BNIP1: variants seen among roughly 807,000 people sequenced by gnomAD.
BNIP1 encodes BCL2 interacting protein 1, also known as vesicle transport protein SEC20.
A neutral mutation model predicts 28.5 loss-of-function variants in BNIP1; 25 were observed. The observed-to-expected ratio is 0.88, with a 90% CI of 0.64 to 1.23. The LOEUF (loss-of-function observed/expected upper bound fraction) is 1.23, where lower values mean the gene tolerates loss of function less well. Ranked by LOEUF, BNIP1 falls within the 50% of genes most tolerant of loss-of-function variation. BNIP1 has a pLI of 0.00. For synonymous variants in BNIP1, 118 were observed against 101.7 expected (o/e 1.16, Z -0.96); for missense variants, 276 against 277.0 (o/e 1.00, Z 0.02).
At chr5:173,162,199 T>C (rs1760381582) in intron 5 of BNIP1, among the ~76,000 whole-genome samples, 1 of 152,286 alleles carries the variant, frequency 6.6e-6, no homozygotes, top group Admixed American at 6.5e-5. Flanking sequence ...AAAAGAAACA[T>C]AAGAAATTAA....
At chr5:173,156,885 A>T (rs2113853912) in intron 3 of BNIP1, among the ~76,000 whole-genome samples, 1 of 151,454 alleles carries the variant, frequency 6.6e-6, no homozygotes, top group East Asian at 2.0e-4. Context: ...CCTGACCCTC[A>T]TGATCCGCCG....
At chr5:173,161,803 T>C (rs5745167) in intron 5 of BNIP1, 4 of 152,180 alleles carry the variant, frequency 2.6e-5, no homozygotes, top group African/African-American at 9.7e-5. Context: ...GGTGGACACA[T>C]GGCATTTCAT....
intron 1 of BNIP1, 68 bp downstream of exon 1, chr5:173,144,697 G>A (rs1262321819): frequency 1.3e-6 from 2 of 1,538,800 alleles, no homozygotes; most frequent in African/African-American, 2.7e-5. Context: ...CTGTGAGCTT[G>A]GCAGTGTCAC....
At chr5:173,156,752 A>G (rs967931187) in intron 3 of BNIP1, among the ~76,000 whole-genome samples, 6 of 147,680 alleles carry the variant, frequency 4.1e-5, no homozygotes, top group African/African-American at 1.5e-4. Context: ...GGTTCACGCC[A>G]TTCTCCTGCC....
chr5:173,148,080 AAAAATATATATATATATAT>A (rs1639786044), intron 2 of BNIP1, among the ~76,000 whole-genome samples: 3 of 49,482 alleles, frequency 6.1e-5, no homozygotes, highest in African/African-American at 3.0e-4. Context: ...AAAAAAAAAA[AAAAATATATATATATATAT>A]ATATATATAT....
intron 2 of BNIP1, among the ~76,000 whole-genome samples, chr5:173,150,500 G>C (rs1759983805): frequency 1.3e-5 from 2 of 152,134 alleles, no homozygotes; most frequent in Non-Finnish European, 2.9e-5. Context: ...ATTTTCAGCA[G>C]CGTCACCATA....
At chr5:173,157,792 G>A (rs986927578) in intron 3 of BNIP1, among the ~76,000 whole-genome samples, 3 of 152,132 alleles carry the variant, frequency 2.0e-5, no homozygotes, top group Non-Finnish European at 4.4e-5. Flanking sequence ...GGTGAAGACT[G>A]TAGATCCGCC....
At chr5:173,150,927 C>T (rs1314413297) in intron 2 of BNIP1, among the ~76,000 whole-genome samples, 1 of 152,042 alleles carries the variant, frequency 6.6e-6, no homozygotes, top group Middle Eastern at 3.2e-3. Flanking sequence ...CCTCCACCTC[C>T]TGGGTTCAAG....
Position 173,160,042 on chromosome 5 carries a change from C to G in BNIP1, c.481C>G (p.Gln161Glu). The change falls in exon 5 of 6, where the codon CAG becomes GAG. Residue 161 changes from glutamine to glutamate, a missense_variant. Physicochemically the swap from Gln to Glu is conservative, Grantham distance 29 (BLOSUM62 2). Coordinates refer to ENST00000351486, the MANE Select transcript of BNIP1 (RefSeq NM_001205.3). ...QQVQQSEEAM[Q>E]SLVTSSRTIL... Reference sequence around the variant, plus strand: ...GGTCCAGCAGAGCGAGGAGGCCATGCAGTCTCTAGGTAAAGCTGGGCCTGG... The same window carrying G: ...GGTCCAGCAGAGCGAGGAGGCCATGGAGTCTCTAGGTAAAGCTGGGCCTGG... 1 of 1,613,670 alleles carries G rather than the reference C, an allele frequency of 6.2e-7. No homozygotes were observed. Among genetic ancestry groups the G allele is most frequent in the East Asian group, 2.2e-5 (1 of 44,860 alleles).
At chr5:173,160,298 G>A (rs568221679) in intron 5 of BNIP1, among the ~76,000 whole-genome samples, 3 of 150,592 alleles carry the variant, frequency 2.0e-5, no homozygotes, top group South Asian at 2.1e-4. Flanking sequence ...GCAATGGTGC[G>A]ATCTCAGCTC....
intron 2 of BNIP1, among the ~76,000 whole-genome samples, chr5:173,153,077 T>G (rs1004901726): frequency 2.0e-5 from 3 of 151,890 alleles, no homozygotes; most frequent in African/African-American, 7.3e-5. Flanking sequence ...TATAGTGGGT[T>G]ATTTCCTTGG....
At chr5:173,160,097 C>T (rs754343300) in intron 5 of BNIP1, 46 bp downstream of exon 5, 2 of 1,569,996 alleles carry the variant, frequency 1.3e-6, no homozygotes, top group South Asian at 1.1e-5. Context: ...AGACGCTGCT[C>T]TAGGGCCCTT....
At chr5:173,150,646 A>C (rs1345581378) in intron 2 of BNIP1, among the ~76,000 whole-genome samples, 1 of 152,188 alleles carries the variant, frequency 6.6e-6, no homozygotes, top group African/African-American at 2.4e-5. Context: ...GAAAAGTCTC[A>C]GTTATGCCCC....
chr5:173,151,764 A>G, intron 2 of BNIP1: 2 of 1,601,130 alleles, frequency 1.2e-6, no homozygotes, highest in Non-Finnish European at 8.5e-7. Flanking sequence ...ACTCATTAAA[A>G]TGACCTCACC....
At chr5:173,156,190 G>A (rs1325467230) in intron 3 of BNIP1, among the ~76,000 whole-genome samples, 1 of 152,110 alleles carries the variant, frequency 6.6e-6, no homozygotes, top group Non-Finnish European at 1.5e-5. Flanking sequence ...TTGCTTTCCT[G>A]AGCCACCAAG....
At chr5:173,147,894 G>T (rs1394263341) in intron 2 of BNIP1, among the ~76,000 whole-genome samples, 1 of 150,012 alleles carries the variant, frequency 6.7e-6, no homozygotes, top group African/African-American at 2.5e-5. Context: ...GCAAAACCCT[G>T]TCTCTGATAA....
chr5:173,160,686 G>C (rs1004553293), intron 5 of BNIP1: 2 of 397,968 alleles, frequency 5.0e-6, no homozygotes, highest in Admixed American at 5.8e-5. Context: ...CTGATTTTCA[G>C]TGAGGGCTCT....
At chr5:173,149,704 T>C (rs901366050) in intron 2 of BNIP1, among the ~76,000 whole-genome samples, 1 of 152,060 alleles carries the variant, frequency 6.6e-6, no homozygotes, top group Non-Finnish European at 1.5e-5. Context: ...TAGCAGTATC[T>C]GCTTCTGGGG....
At chr5:173,160,157 C>A in intron 5 of BNIP1, 106 bp downstream of exon 5, 1 of 1,033,918 alleles carries the variant, frequency 9.7e-7, no homozygotes, top group African/African-American at 1.6e-5. Flanking sequence ...ACACGATGTT[C>A]ACTGACTTGG....
Sources: gnomAD v4.1 joint callset for allele counts (sites outside exome capture counted in the v4.1 genomes callset) on GRCh38, gnomAD v4.1.1 for gene constraint, MANE v1.5 for transcripts, NCBI Gene and HGNC (gene_info 2026-07-23, HGNC 2026-07-21) for gene names.